The following TOX2 variants were observed in gnomAD, a reference collection of about 807,000 sequenced individuals.
TOX2 encodes the protein TOX high mobility group box family member 2.
Under a neutral mutation model 47.4 loss-of-function variants are expected in TOX2, and 15 were observed. The observed-to-expected ratio is 0.32, with a 90% CI of 0.21 to 0.49. TOX2 has a LOEUF of 0.49. TOX2 is among the 20% of genes least tolerant of loss of function. TOX2 has a pLI of 0.99. For synonymous variants in TOX2, 290 were observed against 296.6 expected (o/e 0.98, Z 0.23); for missense variants, 622 against 673.1 (o/e 0.92, Z 0.84).
chr20:44,012,148 T>C (rs2070787269), intron 3 of TOX2, among the ~76,000 whole-genome samples: 1 of 152,244 alleles, frequency 6.6e-6, no homozygotes, highest in Non-Finnish European at 1.5e-5. Context: ...GAGAGAGATA[T>C]TGTATGTATA....
At chr20:43,944,241 C>T (rs1017785599) in intron 1 of TOX2, among the ~76,000 whole-genome samples, 1 of 152,188 alleles carries the variant, frequency 6.6e-6, no homozygotes, top group African/African-American at 2.4e-5. Flanking sequence ...GACAGACGAT[C>T]CTGACCATCA....
intron 5 of TOX2, among the ~76,000 whole-genome samples, chr20:44,055,031 A>G (rs920276614): frequency 6.6e-5 from 10 of 152,020 alleles, no homozygotes; most frequent in African/African-American, 2.4e-4. Context: ...GGTGCTGGCT[A>G]CTCCTTCTCT....
At chr20:43,960,787 C>T (rs889332529) in intron 1 of TOX2, among the ~76,000 whole-genome samples, 3 of 152,190 alleles carry the variant, frequency 2.0e-5, no homozygotes, top group Non-Finnish European at 2.9e-5. Flanking sequence ...GTGCACCTTT[C>T]GGGCACTGTC....
intron 2 of TOX2, among the ~76,000 whole-genome samples, chr20:43,981,171 C>T (rs546042823): frequency 2.6e-5 from 4 of 152,292 alleles, no homozygotes; most frequent in Admixed American, 6.5e-5. Flanking sequence ...ATAACACACT[C>T]GGTTGGAGTT....
Position 43,916,543 on chromosome 20 carries a change from G to C in TOX2, c.99+1553G>C, listed in dbSNP as rs141672174. Among the ~76,000 whole-genome samples the C allele has an allele frequency of 6.6e-6, 1 of 152,228 alleles. No individual in the cohort carries two copies. Among genetic ancestry groups the C allele is most frequent in the Admixed American group, 6.5e-5 (1 of 15,282 alleles). Reference sequence around the variant, plus strand: ...GACCTGCAAAGTTAGAAGCCGATGAGGGGGGATGGTAGCCTCAGGAGAAGG... The same window carrying C: ...GACCTGCAAAGTTAGAAGCCGATGACGGGGGATGGTAGCCTCAGGAGAAGG... On this transcript the variant is annotated intron_variant, in intron 1 of 8. Coordinates refer to ENST00000341197, the MANE Select transcript of TOX2 (RefSeq NM_001098797.2). This position sits in a 1 kb window ranked among gnomAD's most constrained non-coding sequence, Gnocchi z 5.0.
At chr20:44,056,817 T>A (rs1312439189) in intron 5 of TOX2, among the ~76,000 whole-genome samples, 1 of 152,216 alleles carries the variant, frequency 6.6e-6, no homozygotes, top group Non-Finnish European at 1.5e-5. Flanking sequence ...TGATCATTTT[T>A]AATTCCTGAG....
chr20:44,035,356 C>T (rs554193004), intron 3 of TOX2, among the ~76,000 whole-genome samples: 3 of 152,326 alleles, frequency 2.0e-5, no homozygotes, highest in East Asian at 1.9e-4. Flanking sequence ...GTCAGCTCCA[C>T]GGCTTTGCAC....
chr20:44,057,625 ACAATGTAACCTT>A (rs1364595435), intron 5 of TOX2, among the ~76,000 whole-genome samples: 2 of 151,570 alleles, frequency 1.3e-5, no homozygotes, highest in East Asian at 3.9e-4. Context: ...GTCTTTATAT[ACAATGTAACCTT>A]GACACTAAAA....
rs576431455 is a variant in TOX2 at position 44,029,545 on chromosome 20, T to C, written c.412-21761T>C. Among the ~76,000 whole-genome samples the C allele has an allele frequency of 8.5e-5, 13 of 152,244 alleles. No homozygotes were observed. In the South Asian group the frequency reaches 2.5e-3, roughly 29 times the overall value. On this transcript the variant is annotated intron_variant, in intron 3 of 8. Coordinates refer to ENST00000341197, the MANE Select transcript of TOX2 (RefSeq NM_001098797.2). ...TAAGGTGGAAACAGCAGCAGCGACC[T>C]CACAGGGTTGTTAAAAGAACCACTT...
chr20:44,046,171 C>G (rs191411508), intron 3 of TOX2, among the ~76,000 whole-genome samples: 1 of 152,078 alleles, frequency 6.6e-6, no homozygotes, highest in Non-Finnish European at 1.5e-5. Context: ...ACAGTGAAAA[C>G]TTAGAGTGAT....
chr20:43,985,165 C>T (rs971731047), intron 2 of TOX2, among the ~76,000 whole-genome samples: 6 of 152,152 alleles, frequency 3.9e-5, no homozygotes, highest in East Asian at 1.9e-4. Context: ...GTCATTTGTC[C>T]TCTCTGGGCT....
At chr20:43,941,384 G>A (rs2069400674) in intron 1 of TOX2, among the ~76,000 whole-genome samples, 2 of 151,290 alleles carry the variant, frequency 1.3e-5, no homozygotes, top group Admixed American at 1.3e-4. Flanking sequence ...CCAGGCTGGA[G>A]TACAATGGCG....
intron 5 of TOX2, among the ~76,000 whole-genome samples, chr20:44,063,201 C>A (rs751135873): frequency 6.6e-6 from 1 of 152,078 alleles, no homozygotes; most frequent in Admixed American, 6.5e-5. Flanking sequence ...AACAGACAAC[C>A]CACAGAGTGG....
Position 44,066,746 on chromosome 20 carries a change from C to T in TOX2, c.1373C>T (p.Ser458Phe), listed in dbSNP as rs1370544897. Reference sequence around the variant, plus strand: ...ACTCTGTAGGACTTCCCGCACATCTCTGAGTTCCCCAGCAGCTCGGGATCC... The same window carrying T: ...ACTCTGTAGGACTTCCCGCACATCTTTGAGTTCCCCAGCAGCTCGGGATCC... ...PPGPQDFPHI[S>F]EFPSSSGSCS... Residue 458 changes from serine (S) to phenylalanine (F), a missense_variant, in exon 8 of 9, where the codon TCT (serine) becomes TTT (phenylalanine). By Grantham distance (155) the Ser-to-Phe change is radical. This residue lies in a region of TOX2 where 294 missense variants were observed against 300.0 expected (regional missense o/e 0.98). Transcript: ENST00000341197. 6.2e-7 allele frequency: 1 copy of T among 1,614,202 alleles called. No homozygotes were observed. The highest frequency in any genetic ancestry group is 2.2e-5 in the East Asian group (1 of 44,882).
In TOX2 at chr20:44,066,792, C is replaced by T; in HGVS notation, c.1419C>T (p.Asn473=). ...GATCCTGCTCACCTGGCCCATCCAA[C>T]CCCACCAGCAGCGGGGACTGGGACA... ...SSGSCSPGPS[N]PTSSGDWDSS... The change falls in exon 8 of 9, where the codon AAC becomes AAT. Residue 473 remains asparagine (N), a synonymous_variant. Coordinates refer to ENST00000341197, the MANE Select transcript of TOX2 (RefSeq NM_001098797.2). 5 of 1,614,196 alleles carry T rather than the reference C, an allele frequency of 3.1e-6. No homozygotes were observed. Among genetic ancestry groups the T allele is most frequent in the Non-Finnish European group, 4.2e-6 (5 of 1,180,034 alleles).
chr20:44,042,609 G>A (rs2071349903), intron 3 of TOX2, among the ~76,000 whole-genome samples: 2 of 152,198 alleles, frequency 1.3e-5, no homozygotes, highest in Non-Finnish European at 2.9e-5. Flanking sequence ...AGTGGAAAAT[G>A]TTCCAAAGGA....
intron 5 of TOX2, among the ~76,000 whole-genome samples, chr20:44,055,594 T>C (rs975845082): frequency 5.3e-5 from 8 of 152,108 alleles, no homozygotes; most frequent in Admixed American, 4.6e-4. Context: ...AGTCAGGCCC[T>C]GTTCTAAGAG....
chr20:43,915,837 T>TC lies in TOX2; in HGVS notation c.99+849dup, dbSNP rs2069049480. On this transcript the variant is annotated intron_variant, in intron 1 of 8. Transcript: ENST00000341197. This position sits in a 1 kb window ranked among gnomAD's most constrained non-coding sequence, Gnocchi z 7.1. Reference sequence around the variant, plus strand: ...GGGCTGTAGTGCCGGACACCCTCCCTCCTCCATGTTTCCAGGATCTATCCC... The same window carrying TC: ...GGGCTGTAGTGCCGGACACCCTCCCTCCCTCCATGTTTCCAGGATCTATCCC... Among the ~76,000 whole-genome samples the TC allele has an allele frequency of 6.6e-6, 1 of 152,164 alleles. No individual in the cohort carries two copies. Among genetic ancestry groups the TC allele is most frequent in the South Asian group, 2.1e-4 (1 of 4,830 alleles).
At chr20:44,044,758 C>T (rs778241635) in intron 3 of TOX2, among the ~76,000 whole-genome samples, 11 of 152,128 alleles carry the variant, frequency 7.2e-5, no homozygotes, top group African/African-American at 1.9e-4. Flanking sequence ...CTATATGATA[C>T]GGCAATTGGA....
Sources: allele counts gnomAD v4.1 joint callset (sites outside exome capture counted in the v4.1 genomes callset), GRCh38; gene constraint gnomAD v4.1.1; regional missense constraint gnomAD v4.1.1; non-coding constraint Gnocchi (gnomAD v3.1); transcripts MANE v1.5; gene names NCBI Gene and HGNC (gene_info 2026-07-23, HGNC 2026-07-21).